The following MSH3 variants were observed in gnomAD, a reference collection of about 807,000 sequenced individuals.
The protein encoded by MSH3 is mutS homolog 3.
A neutral mutation model predicts 123.3 loss-of-function variants in MSH3; 106 were observed. That is an observed-to-expected ratio of 0.86 (90% CI 0.73 to 1.01). The LOEUF (loss-of-function observed/expected upper bound fraction) is 1.01, where lower values mean the gene tolerates loss of function less well. MSH3 is among the 50% of genes least tolerant of loss of function. MSH3 has a pLI of 0.00. For missense variants in MSH3, 1,459 were observed against 1,347.6 expected (o/e 1.08, Z -1.29); for synonymous variants, 515 against 481.4 (o/e 1.07, Z -0.91).
intron 10 of MSH3, among the ~76,000 whole-genome samples, chr5:80,731,195 G>A (rs1329476061): frequency 2.0e-5 from 3 of 152,068 alleles, no homozygotes; most frequent in Non-Finnish European, 4.4e-5. Context: ...GAGCCACCGT[G>A]TCCGGCCTGT....
rs752047817 is a variant in MSH3, at chr5:80,813,749, C to A, written c.2813+8C>A. ...GGATGGCATTTTCACAAGGTAAGTA[C>A]GTTAATTCAGCTTGCATATATTCTT... On this transcript the variant is annotated splice_region_variant and intron_variant, in intron 20 of 23. Coordinates refer to ENST00000265081, the MANE Select transcript of MSH3 (RefSeq NM_002439.5). 1 of 1,613,914 alleles carries A rather than the reference C, an allele frequency of 6.2e-7. No individual in the cohort carries two copies. Among genetic ancestry groups the A allele is most frequent in the Non-Finnish European group, 8.5e-7 (1 of 1,179,836 alleles).
intron 22 of MSH3, among the ~76,000 whole-genome samples, chr5:80,867,192 T>A (rs1004017219): frequency 1.1e-4 from 16 of 152,202 alleles, no homozygotes; most frequent in Non-Finnish European, 1.9e-4. Flanking sequence ...GTATATATAA[T>A]CCCATGTTCC....
At chr5:80,695,981 G>A (rs1451398429) in intron 8 of MSH3, among the ~76,000 whole-genome samples, 4 of 152,158 alleles carry the variant, frequency 2.6e-5, no homozygotes, top group African/African-American at 4.8e-5. Flanking sequence ...GCAGGGTAGG[G>A]GTGTGCTGCC....
rs566397301 is a variant in MSH3 at position 80,691,790 on chromosome 5, T to G, written c.1340+12697T>G. ...ATATGTACATATATATGTTTATATA[T>G]TTATATAAATATATCTAAATATATA... On this transcript the variant is annotated intron_variant, in intron 8 of 23. Coordinates refer to ENST00000265081, the MANE Select transcript of MSH3 (RefSeq NM_002439.5). Among the ~76,000 whole-genome samples the G allele has an allele frequency of 4.1e-3, 292 of 70,594 alleles. 45 individuals carry two copies. Among genetic ancestry groups the G allele is most frequent in the African/African-American group, 0.017 (277 of 16,114 alleles). 46.3% of individuals were successfully genotyped at this position (70,594 alleles called of 152,430 possible). A position where few individuals can be genotyped will look rare whatever the true frequency, so the allele number is the denominator to read the frequency against.
rs2112026729 is a variant in MSH3 at position 80,792,776 on chromosome 5, A to G, written c.2587A>G (p.Arg863Gly). 6.2e-7 allele frequency: 1 copy of G among 1,613,534 alleles called. No individual in the cohort carries two copies. The highest frequency in any genetic ancestry group is 1.3e-5 in the African/African-American group (1 of 75,044). The stretch of plus-strand genomic sequence containing the variant: ...AAGAAAAATTGTAATAAAAAATGGA[A>G]GGCACCCTGTGATTGATGTGTTGCT... ...EERKIVIKNG[R>G]HPVIDVLLGE... The change falls in exon 19 of 24, where the codon AGG (arginine) becomes GGG (glycine). Residue 863 changes from arginine to glycine, a missense_variant. Physicochemically the swap from Arg to Gly is moderately radical, Grantham distance 125. Coordinates refer to ENST00000265081, the MANE Select transcript of MSH3 (RefSeq NM_002439.5).
At chr5:80,683,484 C>T (rs1246709772) in intron 8 of MSH3, among the ~76,000 whole-genome samples, 1 of 152,032 alleles carries the variant, frequency 6.6e-6, no homozygotes, top group Non-Finnish European at 1.5e-5. Flanking sequence ...TTTCACATAC[C>T]AGGCTGCCAT....
chr5:80,838,290 C>T (rs1745553501), intron 20 of MSH3, among the ~76,000 whole-genome samples: 1 of 152,140 alleles, frequency 6.6e-6, no homozygotes, highest in African/African-American at 2.4e-5. Flanking sequence ...TCCTCTAAAG[C>T]CGAGTGAGCA....
At chr5:80,769,327 C>T (rs1016978437) in intron 15 of MSH3, among the ~76,000 whole-genome samples, 1 of 151,934 alleles carries the variant, frequency 6.6e-6, no homozygotes, top group Admixed American at 6.6e-5. Flanking sequence ...AGAAGTTAGT[C>T]TTTGATCCCT....
At chr5:80,845,533 T>C (rs1302067581) in intron 20 of MSH3, among the ~76,000 whole-genome samples, 2 of 152,228 alleles carry the variant, frequency 1.3e-5, no homozygotes, top group Non-Finnish European at 1.5e-5. Flanking sequence ...CACTTTCCAG[T>C]ACACCAATCA....
Position 80,814,271 on chromosome 5 carries a change from T to TTAA in MSH3, c.2813+532_2813+533insATA, listed in dbSNP as rs1580066940. On this transcript the variant is annotated intron_variant, in intron 20 of 23. Transcript: ENST00000265081. Reference sequence around the variant, plus strand: ...TAATTATTGAGTTATTTTATTTTATTTATTATTATTATTATTTGAGATGGA... The same window carrying TTAA: ...TAATTATTGAGTTATTTTATTTTATTTAATATTATTATTATTATTTGAGATGGA... 3.4e-5 allele frequency among the ~76,000 whole-genome samples: 5 copies of TTAA among 149,146 alleles called. No individual in the cohort carries two copies. In the East Asian group the frequency reaches 9.6e-4, roughly 29 times the overall value.
At chr5:80,770,500 G>T (rs1454984884) in intron 15 of MSH3, among the ~76,000 whole-genome samples, 2 of 152,068 alleles carry the variant, frequency 1.3e-5, no homozygotes, top group Non-Finnish European at 2.9e-5. Flanking sequence ...TTAAAGTCTA[G>T]AATGGTGGTA....
At chr5:80,835,677 G>A (rs1334764812) in intron 20 of MSH3, among the ~76,000 whole-genome samples, 1 of 152,140 alleles carries the variant, frequency 6.6e-6, no homozygotes, top group Non-Finnish European at 1.5e-5. Context: ...CACTTTGGGA[G>A]CCTGAGGTGG....
At chr5:80,835,181 T>G (rs1168562663) in intron 20 of MSH3, among the ~76,000 whole-genome samples, 1 of 152,154 alleles carries the variant, frequency 6.6e-6, no homozygotes, top group Non-Finnish European at 1.5e-5. Flanking sequence ...AGAAAAAATG[T>G]AGGGGAAGGG....
At chr5:80,768,427 T>C (rs1744161527) in intron 14 of MSH3, among the ~76,000 whole-genome samples, 1 of 152,092 alleles carries the variant, frequency 6.6e-6, no homozygotes, top group Non-Finnish European at 1.5e-5. Context: ...GTGTCAGATA[T>C]CTTGTACTCA....
intron 8 of MSH3, among the ~76,000 whole-genome samples, chr5:80,712,264 CT>C (rs1168455203): frequency 6.6e-6 from 1 of 152,168 alleles, no homozygotes; most frequent in Non-Finnish European, 1.5e-5. Flanking sequence ...TCTCTTCTTT[CT>C]CTTTTCTAAT....
chr5:80,821,590 A>G (rs1274408392), intron 20 of MSH3, among the ~76,000 whole-genome samples: 1 of 152,220 alleles, frequency 6.6e-6, no homozygotes, highest in Non-Finnish European at 1.5e-5. Flanking sequence ...AGAGATTTAA[A>G]TACTGAAATA....
At chr5:80,709,727 A>G (rs1750807530) in intron 8 of MSH3, among the ~76,000 whole-genome samples, 1 of 152,152 alleles carries the variant, frequency 6.6e-6, no homozygotes, top group Non-Finnish European at 1.5e-5. Flanking sequence ...TGGTTTTCTC[A>G]TATTTGAGGA....
intron 20 of MSH3, among the ~76,000 whole-genome samples, chr5:80,817,463 C>G (rs1745125640): frequency 6.6e-6 from 1 of 152,032 alleles, no homozygotes; most frequent in African/African-American, 2.4e-5. Flanking sequence ...CAGGAGAGAT[C>G]CAGTGAGGGA....
intron 10 of MSH3, among the ~76,000 whole-genome samples, chr5:80,729,430 ATGTG>A (rs71594671): frequency 1.8e-4 from 14 of 78,372 alleles, no homozygotes; most frequent in South Asian, 1.2e-3. Flanking sequence ...AAAAAAAAAA[ATGTG>A]TGTGTGTGTG....
Sources: gnomAD v4.1 joint callset for allele counts (sites outside exome capture counted in the v4.1 genomes callset) on GRCh38, gnomAD v4.1.1 for gene constraint, MANE v1.5 for transcripts, NCBI Gene and HGNC (gene_info 2026-07-23, HGNC 2026-07-21) for gene names.